DLC1: variants seen among roughly 807,000 people sequenced by gnomAD.
DLC1 encodes rho GTPase-activating protein 7.
Under a neutral mutation model 140.3 loss-of-function variants are expected in DLC1, and 54 were observed. The observed-to-expected ratio is 0.38, with a 90% CI of 0.31 to 0.48. The LOEUF (loss-of-function observed/expected upper bound fraction) is 0.48. Among genes scored for constraint, DLC1 ranks in the 20% least tolerant of loss-of-function variants. The pLI, the probability that DLC1 is intolerant of heterozygous loss-of-function variation, is 0.96. For synonymous variants in DLC1, 986 were observed against 728.1 expected (o/e 1.35, Z -5.70); for missense variants, 2,536 against 1,907.0 (o/e 1.33, Z -6.14).
intron 5 of DLC1, among the ~76,000 whole-genome samples, chr8:13,177,422 A>G (rs1000501496): frequency 1.3e-5 from 2 of 152,254 alleles, no homozygotes; most frequent in Non-Finnish European, 2.9e-5. Flanking sequence ...GAGAACTAAA[A>G]GAACCCTTAT....
intron 2 of DLC1, among the ~76,000 whole-genome samples, chr8:13,432,974 A>G (rs1371034684): frequency 1.4e-5 from 2 of 141,018 alleles, no homozygotes; most frequent in African/African-American, 5.3e-5. Flanking sequence ...TTCCTTTTTC[A>G]AACATAGGGG....
At chr8:13,215,971 T>A (rs914631477) in intron 5 of DLC1, among the ~76,000 whole-genome samples, 1 of 152,152 alleles carries the variant, frequency 6.6e-6, no homozygotes, top group Admixed American at 6.5e-5. Flanking sequence ...TACCCACTCA[T>A]GGTGTTTCCC....
chr8:13,331,641 T>G (rs1180874138), intron 4 of DLC1, among the ~76,000 whole-genome samples: 2 of 151,298 alleles, frequency 1.3e-5, no homozygotes, highest in Admixed American at 6.6e-5. Flanking sequence ...GACAGAAACA[T>G]CAGAAGAAAC....
intron 2 of DLC1, among the ~76,000 whole-genome samples, chr8:13,408,986 A>C (rs998509682): frequency 2.0e-5 from 3 of 152,124 alleles, no homozygotes; most frequent in Non-Finnish European, 2.9e-5. Flanking sequence ...GTAAACATGT[A>C]TTCCTTTTTC....
chr8:13,314,231 ATATATT>A (rs35319855), intron 4 of DLC1, among the ~76,000 whole-genome samples: 55,555 of 147,564 alleles, frequency 0.38, 10,771 homozygotes, highest in Middle Eastern at 0.46. Context: ...TATATTACAC[ATATATT>A]TATAATATAC....
intron 4 of DLC1, among the ~76,000 whole-genome samples, chr8:13,354,488 G>A (rs935612268): frequency 6.0e-5 from 9 of 148,904 alleles, no homozygotes; most frequent in Non-Finnish European, 1.2e-4. Flanking sequence ...AAATATTTTA[G>A]TATGGGCATG....
chr8:13,395,507 C>G (rs1032830933), intron 3 of DLC1, among the ~76,000 whole-genome samples: 5 of 152,078 alleles, frequency 3.3e-5, no homozygotes, highest in Non-Finnish European at 7.3e-5. Context: ...TGATGTGTCC[C>G]CAGGTGTTAG....
At chr8:13,533,743 C>A (rs995419624) in intron 1 of DLC1, among the ~76,000 whole-genome samples, 3 of 152,096 alleles carry the variant, frequency 2.0e-5, no homozygotes, top group African/African-American at 7.2e-5. Context: ...GAATGGTAAT[C>A]CCCATGTGTG....
chr8:13,191,147 G>T (rs567460286), intron 5 of DLC1, among the ~76,000 whole-genome samples: 8 of 152,316 alleles, frequency 5.3e-5, no homozygotes, highest in African/African-American at 1.9e-4. Flanking sequence ...AGTTCCTGAG[G>T]CCTCTTCGTA....
At position 13,113,569 on chromosome 8, in the gene DLC1, C is replaced by T. The variant is rs554935318; in HGVS notation, c.1420+2017G>A. Among the ~76,000 whole-genome samples, 155 of 152,278 alleles carry T rather than the reference C, an allele frequency of 1.0e-3. 1 individual carries two copies. The highest frequency in any genetic ancestry group is 3.4e-3 in the Middle Eastern group (1 of 294). On this transcript the variant is annotated intron_variant, in intron 6 of 17. Transcript: ENST00000276297. ...CCTGGCAGCAAATCAATGCCAAAAA[C>T]GAGCATAATTGAAGAAAACTTAGTT...
At chr8:13,315,031 A>G (rs1027766726) in intron 4 of DLC1, among the ~76,000 whole-genome samples, 2 of 152,204 alleles carry the variant, frequency 1.3e-5, no homozygotes, top group African/African-American at 4.8e-5. Context: ...ACTCTAATGA[A>G]ACTCATCACT....
At chr8:13,225,616 ATTT>A (rs869199348) in intron 5 of DLC1, among the ~76,000 whole-genome samples, 5,130 of 139,500 alleles carry the variant, frequency 0.037, 323 homozygotes, top group African/African-American at 0.13. Context: ...TATTTATTTA[ATTT>A]TTTTTTTTTT....
intron 13 of DLC1, 59 bp downstream of exon 13, chr8:13,092,553 A>G (rs1818160324): frequency 1.9e-6 from 3 of 1,551,434 alleles, no homozygotes; most frequent in African/African-American, 1.4e-5. Flanking sequence ...AGCTACGGAG[A>G]GTCCTAGGAA....
chr8:13,522,031 T>G (rs1383636694), intron 1 of DLC1, among the ~76,000 whole-genome samples: 1 of 152,086 alleles, frequency 6.6e-6, no homozygotes, highest in Non-Finnish European at 1.5e-5. Flanking sequence ...AAGGGTACAT[T>G]TGTACTTTAA....
intron 2 of DLC1, among the ~76,000 whole-genome samples, chr8:13,423,667 A>G (rs889961029): frequency 6.6e-6 from 1 of 152,176 alleles, no homozygotes. Context: ...GATGTGTGCC[A>G]TTGCTGAATT....
chr8:13,438,126 C>T (rs1172354373), intron 2 of DLC1, among the ~76,000 whole-genome samples: 2 of 151,502 alleles, frequency 1.3e-5, no homozygotes, highest in African/African-American at 4.9e-5. Context: ...TCCAGTTGCC[C>T]ATTAGAGAGA....
At chr8:13,143,923 G>A (rs1425827975) in intron 5 of DLC1, among the ~76,000 whole-genome samples, 1 of 152,012 alleles carries the variant, frequency 6.6e-6, no homozygotes, top group African/African-American at 2.4e-5. Flanking sequence ...GCAGGCACAT[G>A]TGAATGGAGA....
chr8:13,305,205 A>T (rs1832371611), intron 5 of DLC1, 64 bp downstream of exon 5: 1 of 1,590,110 alleles, frequency 6.3e-7, no homozygotes, highest in Non-Finnish European at 8.6e-7. Flanking sequence ...TAAAATGCCT[A>T]TTTTAAGGTG....
intron 5 of DLC1, among the ~76,000 whole-genome samples, chr8:13,126,981 C>T (rs375798382): frequency 6.6e-6 from 1 of 152,160 alleles, no homozygotes; most frequent in African/African-American, 2.4e-5. Flanking sequence ...TATCAAAGAC[C>T]AATGACAATG....
Sources: allele counts gnomAD v4.1 joint callset (sites outside exome capture counted in the v4.1 genomes callset), GRCh38; gene constraint gnomAD v4.1.1; transcripts MANE v1.5; gene names NCBI Gene and HGNC (gene_info 2026-07-23, HGNC 2026-07-21).